Variants in ROR2 observed in about 807,000 individuals in gnomAD.
ROR2 encodes the protein tyrosine-protein kinase transmembrane receptor ROR2.
In ROR2, 33 loss-of-function variants were observed where a neutral mutation model predicts 74.9. The observed-to-expected ratio is 0.44, with a 90% CI of 0.33 to 0.59. The LOEUF (loss-of-function observed/expected upper bound fraction) is 0.59. Ranked by LOEUF, ROR2 falls within the 20% of genes least tolerant of loss-of-function variation. The probability of loss-of-function intolerance (pLI) is 0.02; values close to 1 mark genes in which losing one functional copy is unlikely to be tolerated. For synonymous variants in ROR2, 586 were observed against 558.7 expected, an observed-to-expected ratio of 1.05 and a Z score of -0.69; for missense variants, 1,216 against 1,313.8, an observed-to-expected ratio of 0.93 and a Z score of 1.15.
intron 1 of ROR2, among the ~76,000 whole-genome samples, chr9:91,841,638 A>G (rs1194771713): frequency 6.6e-6 from 1 of 152,278 alleles, no homozygotes; most frequent in Non-Finnish European, 1.5e-5. Context: ...GCTCAGCAGT[A>G]CAGCCCGGTG....
intron 5 of ROR2, among the ~76,000 whole-genome samples, chr9:91,734,012 T>G (rs1824932655): frequency 6.6e-6 from 1 of 152,174 alleles, no homozygotes; most frequent in Non-Finnish European, 1.5e-5. Context: ...GTTACAACTC[T>G]GGAAGGTTCT....
At chr9:91,916,154 TC>T (rs1452515237) in intron 1 of ROR2, among the ~76,000 whole-genome samples, 1 of 152,194 alleles carries the variant, frequency 6.6e-6, no homozygotes, top group African/African-American at 2.4e-5. Flanking sequence ...GTGATTCTGC[TC>T]CTAGCAGCCA....
intron 1 of ROR2, among the ~76,000 whole-genome samples, chr9:91,891,223 A>C (rs1193784002): frequency 2.0e-5 from 3 of 151,966 alleles, no homozygotes; most frequent in African/African-American, 7.3e-5. Context: ...CACAGCTAAA[A>C]ATCAAGTTGT....
At chr9:91,916,173 C>A (rs2119442746) in intron 1 of ROR2, among the ~76,000 whole-genome samples, 2 of 152,288 alleles carry the variant, frequency 1.3e-5, no homozygotes, top group East Asian at 3.9e-4. Context: ...CCAAAGTTGT[C>A]TTGATCTAAT....
At chr9:91,896,079 G>A (rs1333434861) in intron 1 of ROR2, among the ~76,000 whole-genome samples, 1 of 152,178 alleles carries the variant, frequency 6.6e-6, no homozygotes, top group East Asian at 1.9e-4. Context: ...AATGCCCAAG[G>A]TTAATGTTGC....
chr9:91,730,729 T>C (rs966440674), intron 7 of ROR2, among the ~76,000 whole-genome samples, 181 bp downstream of exon 7: 2 of 152,076 alleles, frequency 1.3e-5, no homozygotes, highest in Admixed American at 6.5e-5. Flanking sequence ...GCTGGGATTA[T>C]AGGCATCAGC....
intron 1 of ROR2, among the ~76,000 whole-genome samples, chr9:91,836,644 C>G (rs1032256598): frequency 6.6e-6 from 1 of 152,216 alleles, no homozygotes; most frequent in African/African-American, 2.4e-5. Context: ...AGCTAACTGC[C>G]TGCCCCTGCC....
In ROR2 at chr9:91,905,382, T is replaced by C. The variant is rs537690623; in HGVS notation, c.97+44485A>G. On this transcript the variant is annotated intron_variant, in intron 1 of 8. Transcript: ENST00000375708. This position sits in a 1 kb window ranked among gnomAD's most constrained non-coding sequence, Gnocchi z 5.3. ...CCATACACACAAGACACACAACACA[T>C]ACCACACACACAGAGAGACAAAAAC... Among the ~76,000 whole-genome samples the C allele has an allele frequency of 3.3e-5, 5 of 149,456 alleles. No homozygotes were observed. In the South Asian group the frequency reaches 1.1e-3, roughly 32 times the overall value.
chr9:91,772,378 AT>A (rs1202349923), intron 2 of ROR2, among the ~76,000 whole-genome samples: 11 of 152,180 alleles, frequency 7.2e-5, no homozygotes, highest in African/African-American at 9.7e-5. Context: ...AAGCCCTTTC[AT>A]CCCGCCTATG....
chr9:91,903,472 G>A (rs1830723594), intron 1 of ROR2, among the ~76,000 whole-genome samples: 1 of 151,876 alleles, frequency 6.6e-6, no homozygotes, highest in African/African-American at 2.4e-5. Context: ...GATTCGTTGT[G>A]TCTTTTTTTT....
intron 1 of ROR2, among the ~76,000 whole-genome samples, chr9:91,880,033 C>A (rs1006922410): frequency 3.3e-5 from 5 of 152,054 alleles, no homozygotes; most frequent in African/African-American, 1.2e-4. Flanking sequence ...CTCCAAAATT[C>A]GTATGTTGAA....
At chr9:91,808,446 A>T (rs113821223) in intron 1 of ROR2, among the ~76,000 whole-genome samples, 3 of 152,092 alleles carry the variant, frequency 2.0e-5, no homozygotes, top group Non-Finnish European at 4.4e-5. Flanking sequence ...CCTGGCCAAC[A>T]TGGTGAAAGC....
At chr9:91,847,202 G>T (rs1358430812) in intron 1 of ROR2, among the ~76,000 whole-genome samples, 3 of 152,140 alleles carry the variant, frequency 2.0e-5, no homozygotes, top group Non-Finnish European at 4.4e-5. Context: ...GCATCAGTAT[G>T]TGCAGGTCTG....
chr9:91,784,581 T>A (rs985968574), intron 1 of ROR2, among the ~76,000 whole-genome samples: 29 of 152,046 alleles, frequency 1.9e-4, no homozygotes, highest in African/African-American at 7.0e-4. Flanking sequence ...TTGCTGGGAG[T>A]TGCTGGTGTG....
chr9:91,918,624 T>C (rs114494457), intron 1 of ROR2, among the ~76,000 whole-genome samples: 2,689 of 152,284 alleles, frequency 0.018, 90 homozygotes, highest in African/African-American at 0.061. Flanking sequence ...TGATAAAAAT[T>C]TTCTGCAATT....
chr9:91,793,332 T>C (rs16907784), intron 1 of ROR2, among the ~76,000 whole-genome samples: 2,648 of 151,678 alleles, frequency 0.017, 66 homozygotes, highest in East Asian at 0.13. Context: ...AATGGGAAGA[T>C]GAAGGATGAA....
intron 1 of ROR2, among the ~76,000 whole-genome samples, chr9:91,883,694 C>T (rs571374158): frequency 2.6e-5 from 4 of 152,306 alleles, no homozygotes; most frequent in South Asian, 4.1e-4. Flanking sequence ...GAGACTCCTA[C>T]GCACCAGAAC....
At chr9:91,884,195 C>A (rs1366280261) in intron 1 of ROR2, among the ~76,000 whole-genome samples, 4 of 152,184 alleles carry the variant, frequency 2.6e-5, no homozygotes, top group Non-Finnish European at 4.4e-5. Flanking sequence ...TGACCTGTCC[C>A]TCATTCAACA....
At chr9:91,934,911 TA>T (rs1022773503) in intron 1 of ROR2, among the ~76,000 whole-genome samples, 2 of 152,122 alleles carry the variant, frequency 1.3e-5, no homozygotes, top group African/African-American at 4.8e-5. Flanking sequence ...ATTTCCAAAA[TA>T]AAATTTCCAA....
Sources: gnomAD v4.1 joint callset for allele counts (sites outside exome capture counted in the v4.1 genomes callset) on GRCh38, gnomAD v4.1.1 for gene constraint, Gnocchi (gnomAD v3.1) non-coding constraint, MANE v1.5 for transcripts, NCBI Gene and HGNC (gene_info 2026-07-23, HGNC 2026-07-21) for gene names.